The following PMS1 variants were observed in gnomAD, a reference collection of about 807,000 sequenced individuals.
PMS1 encodes PMS1 homolog 1, mismatch repair system component, also known as PMS1 protein homolog 1.
PMS1 carries 79 observed loss-of-function variants against 93.1 expected under a neutral mutation model. The ratio of observed to expected loss-of-function variants is 0.85; its 90% CI spans 0.71 to 1.02. The LOEUF is 1.02. Among genes scored for constraint, PMS1 ranks in the 50% least tolerant of loss-of-function variants. The pLI is 0.00. For missense variants in PMS1, 1,064 were observed against 1,085.3 expected (o/e 0.98, Z 0.28); for synonymous variants, 335 against 363.4 (o/e 0.92, Z 0.89).
intron 5 of PMS1, among the ~76,000 whole-genome samples, chr2:189,843,002 G>GTA (rs932828046): frequency 5.9e-5 from 8 of 136,660 alleles, no homozygotes; most frequent in South Asian, 4.7e-4. Context: ...ATGTGTGTGT[G>GTA]TATATATATA....
At chr2:189,795,988 A>C in intron 3 of PMS1, 37 bp downstream of exon 3, 1 of 1,335,442 alleles carries the variant, frequency 7.5e-7, no homozygotes, top group Non-Finnish European at 1.1e-6. Context: ...GTGATTTCAT[A>C]TTCACTGAAC....
At chr2:189,803,732 A>T (rs2050092576) in intron 3 of PMS1, among the ~76,000 whole-genome samples, 1 of 152,210 alleles carries the variant, frequency 6.6e-6, no homozygotes, top group Non-Finnish European at 1.5e-5. Flanking sequence ...TGTGGAACAC[A>T]CTGTATTTCA....
rs540051947 is a variant in PMS1, at chr2:189,854,309, A to G, written c.1037A>G (p.Tyr346Cys). Residue 346 changes from tyrosine to cysteine, a missense_variant, in exon 9 of 13, where the codon TAT becomes TGT. Coordinates refer to ENST00000441310, the MANE Select transcript of PMS1 (RefSeq NM_000534.5). ...CYGPLPSTNSYENNKTDVSAA... is the reference protein window; with the variant it reads ...CYGPLPSTNSCENNKTDVSAA... ...GGACCATTACCTAGTACAAATTCTT[A>G]TGAAAATAATAAAACAGATGTTTCC... 5 of 1,593,264 alleles carry G rather than the reference A, an allele frequency of 3.1e-6. No homozygotes were observed. The African/African-American group carries it at 6.8e-5, about 22-fold the overall frequency.
At chr2:189,791,331 G>T (rs2048847836) in intron 1 of PMS1, among the ~76,000 whole-genome samples, 1 of 152,068 alleles carries the variant, frequency 6.6e-6, no homozygotes, top group South Asian at 2.1e-4. Context: ...AGAAATAGAA[G>T]ACTTATGGCT....
At chr2:189,830,820 T>C (rs1304917485) in intron 5 of PMS1, among the ~76,000 whole-genome samples, 4 of 152,184 alleles carry the variant, frequency 2.6e-5, no homozygotes, top group Non-Finnish European at 4.4e-5. Flanking sequence ...ATGGTATCAG[T>C]GTAGATTAAA....
chr2:189,803,511 C>T (rs1443837795), intron 3 of PMS1, among the ~76,000 whole-genome samples: 2 of 152,186 alleles, frequency 1.3e-5, no homozygotes, highest in African/African-American at 2.4e-5. Context: ...CTCTCTGCCA[C>T]CATTCCTCAA....
intron 1 of PMS1, among the ~76,000 whole-genome samples, chr2:189,787,652 G>A (rs982960030): frequency 3.2e-4 from 48 of 150,834 alleles, no homozygotes; most frequent in African/African-American, 1.0e-3. Flanking sequence ...TTTAAATGAT[G>A]TATGTACATT....
intron 5 of PMS1, among the ~76,000 whole-genome samples, chr2:189,837,979 A>G (rs2053527556): frequency 6.6e-6 from 1 of 152,216 alleles, no homozygotes; most frequent in Non-Finnish European, 1.5e-5. Context: ...AATTTTATAT[A>G]GAGAGAAGAT....
At chr2:189,792,202 A>G (rs887095722) in intron 2 of PMS1, among the ~76,000 whole-genome samples, 5 of 152,202 alleles carry the variant, frequency 3.3e-5, no homozygotes, top group Non-Finnish European at 5.9e-5. Context: ...TGTATTTTCT[A>G]CAAATATTGG....
chr2:189,837,711 A>C (rs1184880957), intron 5 of PMS1, among the ~76,000 whole-genome samples: 2 of 152,220 alleles, frequency 1.3e-5, no homozygotes, highest in Admixed American at 6.5e-5. Context: ...ATGAAAACAT[A>C]TGCCAACATA....
At chr2:189,793,090 G>A (rs1020832056) in intron 2 of PMS1, among the ~76,000 whole-genome samples, 3 of 152,140 alleles carry the variant, frequency 2.0e-5, no homozygotes, top group East Asian at 3.9e-4. Flanking sequence ...GATTACAGGC[G>A]TGAGCCACTC....
At chr2:189,834,009 C>T (rs187673590) in intron 5 of PMS1, among the ~76,000 whole-genome samples, 3 of 152,122 alleles carry the variant, frequency 2.0e-5, no homozygotes, top group African/African-American at 7.2e-5. Flanking sequence ...GCTTACATTA[C>T]GTGTCTAGGC....
At chr2:189,842,079 T>C (rs1456867043) in intron 5 of PMS1, among the ~76,000 whole-genome samples, 1 of 151,248 alleles carries the variant, frequency 6.6e-6, no homozygotes, top group Non-Finnish European at 1.5e-5. Flanking sequence ...TTCAGAAAAG[T>C]CCTTTTTTTT....
intron 5 of PMS1, among the ~76,000 whole-genome samples, chr2:189,825,132 G>A (rs1575156618): frequency 6.6e-6 from 1 of 152,054 alleles, no homozygotes. Context: ...TTTTATGAAG[G>A]TTTAACCTGC....
At chr2:189,818,987 A>T (rs2051577111) in intron 5 of PMS1, among the ~76,000 whole-genome samples, 2 of 152,298 alleles carry the variant, frequency 1.3e-5, no homozygotes, top group South Asian at 4.1e-4. Context: ...AGCTTTTAGT[A>T]TATCCATCAC....
At chr2:189,866,827 A>G (rs572665284) in intron 10 of PMS1, among the ~76,000 whole-genome samples, 13 of 152,326 alleles carry the variant, frequency 8.5e-5, no homozygotes, top group Non-Finnish European at 1.9e-4. Context: ...CAAGATTACA[A>G]TCTAGACAGT....
chr2:189,870,029 A>G (rs256561), intron 11 of PMS1, among the ~76,000 whole-genome samples: 10,651 of 151,908 alleles, frequency 0.07, 553 homozygotes, highest in African/African-American at 0.15. Context: ...AGATGCAAAA[A>G]TGATTAAGTC....
intron 1 of PMS1, among the ~76,000 whole-genome samples, chr2:189,790,073 C>T (rs1410639102): frequency 6.6e-6 from 1 of 152,080 alleles, no homozygotes; most frequent in Admixed American, 6.6e-5. Flanking sequence ...GAGATTTGAG[C>T]TTTATATTAT....
intron 4 of PMS1, among the ~76,000 whole-genome samples, chr2:189,816,962 T>C (rs1245009543): frequency 6.6e-5 from 10 of 152,206 alleles, no homozygotes; most frequent in Non-Finnish European, 1.5e-4. Context: ...CTTTTTATTC[T>C]ATTTTATTTT....
Sources: allele counts gnomAD v4.1 joint callset (sites outside exome capture counted in the v4.1 genomes callset), GRCh38; gene constraint gnomAD v4.1.1; transcripts MANE v1.5; gene names NCBI Gene and HGNC (gene_info 2026-07-23, HGNC 2026-07-21).